Variants in AGK observed in about 807,000 individuals in gnomAD.
AGK encodes acylglycerol kinase, also known as acylglycerol kinase, mitochondrial.
AGK carries 52 observed loss-of-function variants against 66.4 expected under a neutral mutation model. That is an observed-to-expected ratio of 0.78 (90% CI 0.63 to 0.99). AGK has a LOEUF of 0.99. Among genes scored for constraint, AGK ranks in the 50% least tolerant of loss-of-function variants. AGK has a pLI of 0.00. For missense variants in AGK, 451 were observed against 506.6 expected, an observed-to-expected ratio of 0.89 and a Z score of 1.05; for synonymous variants, 182 against 181.1, an observed-to-expected ratio of 1.00 and a Z score of -0.04.
chr7:141,607,462 T>A (rs1208283854), intron 5 of AGK, among the ~76,000 whole-genome samples: 1 of 152,208 alleles, frequency 6.6e-6, no homozygotes, highest in South Asian at 2.1e-4. Context: ...GAGGTGTCTG[T>A]TCAGATCTTT....
rs559128629 is a variant in AGK at position 141,566,223 on chromosome 7, A to C, written c.101+10656A>C. Reference sequence around the variant, plus strand: ...AGTCAGGATTAGGCAATCATCTTACATTTTCTCCATAGTACTATGAACTCC... The same window carrying C: ...AGTCAGGATTAGGCAATCATCTTACCTTTTCTCCATAGTACTATGAACTCC... On this transcript the variant is annotated intron_variant, in intron 2 of 15. Coordinates refer to ENST00000649286, the MANE Select transcript of AGK (RefSeq NM_018238.4). 1.4e-4 allele frequency among the ~76,000 whole-genome samples: 22 copies of C among 152,196 alleles called. No homozygotes were observed. In the East Asian group the frequency reaches 4.2e-3, roughly 29 times the overall value.
At chr7:141,616,752 CTTTTT>C (rs1335989425) in intron 8 of AGK, among the ~76,000 whole-genome samples, 1 of 149,506 alleles carries the variant, frequency 6.7e-6, no homozygotes, top group Non-Finnish European at 1.5e-5. Context: ...CTTTTTTTTT[CTTTTT>C]CTTTCTTTTT....
At chr7:141,650,512 G>A in intron 14 of AGK, 5 of 985,442 alleles carry the variant, frequency 5.1e-6, no homozygotes, top group Non-Finnish European at 6.0e-6. Flanking sequence ...CTGGATATCT[G>A]AAGAGAACAT....
intron 11 of AGK, among the ~76,000 whole-genome samples, chr7:141,639,553 T>C (rs564974430): frequency 1.6e-4 from 24 of 151,254 alleles, no homozygotes; most frequent in African/African-American, 5.6e-4. Flanking sequence ...AGAAGAGGAG[T>C]AAAGGGTAGG....
At chr7:141,637,046 G>A in intron 11 of AGK, 29 bp downstream of exon 11, 1 of 1,592,606 alleles carries the variant, frequency 6.3e-7, no homozygotes, top group Non-Finnish European at 8.6e-7. Flanking sequence ...GTAGAAATTT[G>A]CTGTGTTATT....
chr7:141,626,267 A>T (rs1796936178), intron 9 of AGK, among the ~76,000 whole-genome samples: 1 of 152,216 alleles, frequency 6.6e-6, no homozygotes, highest in African/African-American at 2.4e-5. Context: ...AGCCTTAAAA[A>T]TGAAGAATCC....
chr7:141,635,377 G>C (rs1195363573), intron 10 of AGK, among the ~76,000 whole-genome samples: 1 of 152,180 alleles, frequency 6.6e-6, no homozygotes, highest in East Asian at 1.9e-4. Flanking sequence ...GAAGGAAACT[G>C]AGGAAATTTT....
At chr7:141,587,231 G>A (rs1219213687) in intron 2 of AGK, among the ~76,000 whole-genome samples, 3 of 152,028 alleles carry the variant, frequency 2.0e-5, no homozygotes, top group African/African-American at 7.3e-5. Context: ...AATATCTGTT[G>A]AGTCTGTCCT....
At position 141,562,191 on chromosome 7, in the gene AGK, G is replaced by T. The variant is rs1049813378; in HGVS notation, c.101+6624G>T. 5 of 454,462 alleles carry T rather than the reference G, an allele frequency of 1.1e-5. No homozygotes were observed. In the Admixed American group the frequency reaches 1.2e-4, roughly 11 times the overall value. The allele number at this position is 454,462 out of a possible 1,614,324, so 28.2% of individuals were successfully genotyped here. ...TGGATAGACTCAGGACCTTTGGTTA[G>T]CCAGGATGTTGCAGGCAGTGGTATT... On this transcript the variant is annotated intron_variant, in intron 2 of 15. Transcript: ENST00000649286.
chr7:141,578,515 T>C (rs1795804234), intron 2 of AGK, among the ~76,000 whole-genome samples: 1 of 151,436 alleles, frequency 6.6e-6, no homozygotes, highest in Non-Finnish European at 1.5e-5. Flanking sequence ...TAACATAAAA[T>C]AGTATCGAAG....
chr7:141,641,449 G>T (rs770108600), intron 12 of AGK, 51 bp downstream of exon 12: 1 of 1,555,824 alleles, frequency 6.4e-7, no homozygotes, highest in Non-Finnish European at 8.7e-7. Context: ...GTTTAGAAGT[G>T]CCCTAAAGTA....
At chr7:141,652,023 A>T (rs781669123) in intron 15 of AGK, among the ~76,000 whole-genome samples, 2 of 152,172 alleles carry the variant, frequency 1.3e-5, no homozygotes, top group Non-Finnish European at 2.9e-5. Context: ...TCAACACTGA[A>T]TTTTTCTGTA....
intron 2 of AGK, among the ~76,000 whole-genome samples, chr7:141,576,167 T>A (rs753082680): frequency 9.9e-5 from 15 of 152,136 alleles, no homozygotes; most frequent in Non-Finnish European, 1.6e-4. Flanking sequence ...CAAAAATATA[T>A]CAATAAATTT....
At chr7:141,611,108 C>G in intron 5 of AGK, 87 bp from the exon 6 acceptor site, 1 of 778,506 alleles carries the variant, frequency 1.3e-6, no homozygotes. Flanking sequence ...CAATGTAAAA[C>G]TTTAAAGAAG....
intron 4 of AGK, among the ~76,000 whole-genome samples, chr7:141,600,505 A>G (rs904199336): frequency 7.9e-5 from 12 of 152,170 alleles, no homozygotes; most frequent in African/African-American, 2.7e-4. Context: ...TTACATGTCT[A>G]CATTTGGGGC....
In AGK at chr7:141,598,708, G is replaced by A. The variant is rs375003545; in HGVS notation, c.221+2067G>A. 3.9e-5 allele frequency among the ~76,000 whole-genome samples: 6 copies of A among 152,080 alleles called. No individual in the cohort carries two copies. In the East Asian group the frequency reaches 7.7e-4, roughly 20 times the overall value. On this transcript the variant is annotated intron_variant, in intron 4 of 15. Transcript: ENST00000649286. This position sits in a 1 kb window ranked among gnomAD's most constrained non-coding sequence, Gnocchi z 4.2. ...TTAGGTTCAGAACAGTCTTCACTTCGCTATCCCATCCTTCCCAGAAGCTCT... is the reference window on the plus strand; with the variant it reads ...TTAGGTTCAGAACAGTCTTCACTTCACTATCCCATCCTTCCCAGAAGCTCT...
chr7:141,617,547 G>A (rs955273997), intron 8 of AGK, among the ~76,000 whole-genome samples: 1 of 152,152 alleles, frequency 6.6e-6, no homozygotes, highest in African/African-American at 2.4e-5. Context: ...AAGATTTGTT[G>A]TACCATAGTT....
At chr7:141,557,420 A>G (rs555530579) in intron 2 of AGK, among the ~76,000 whole-genome samples, 1 of 152,250 alleles carries the variant, frequency 6.6e-6, no homozygotes, top group African/African-American at 2.4e-5. Flanking sequence ...TTCTAACTAC[A>G]CTTGAGTCCT....
Position 141,654,432 on chromosome 7 carries a change from T to C in AGK, c.*1508T>C, listed in dbSNP as rs1347495389. 2.6e-5 allele frequency: 4 copies of C among 152,216 alleles called. No homozygotes were observed. Among genetic ancestry groups the C allele is most frequent in the Admixed American group, 6.5e-5 (1 of 15,284 alleles). The allele number at this position is 152,216 out of a possible 1,614,324, so 9.4% of individuals were successfully genotyped here. On this transcript the variant is annotated 3_prime_UTR_variant, in exon 16 of 16. Coordinates refer to ENST00000649286, the MANE Select transcript of AGK (RefSeq NM_018238.4). The stretch of plus-strand genomic sequence containing the variant: ...ATGTTTTTACAGTTCTTTGGATTCC[T>C]TTGGCATTTTGACAAAGATCACAGT...
Sources: allele counts gnomAD v4.1 joint callset (sites outside exome capture counted in the v4.1 genomes callset), GRCh38; gene constraint gnomAD v4.1.1; non-coding constraint Gnocchi (gnomAD v3.1); transcripts MANE v1.5; gene names NCBI Gene and HGNC (gene_info 2026-07-23, HGNC 2026-07-21).